The following UBE2H variants were observed in gnomAD, a reference collection of about 807,000 sequenced individuals.
UBE2H encodes ubiquitin conjugating enzyme E2 H.
Under a neutral mutation model 29.0 loss-of-function variants are expected in UBE2H, and 3 were observed. That is an observed-to-expected ratio of 0.10 (90% CI 0.05 to 0.27). The LOEUF (loss-of-function observed/expected upper bound fraction) is 0.27, where lower values mean the gene tolerates loss of function less well. UBE2H is among the 10% of genes least tolerant of loss of function. UBE2H has a pLI of 1.00. For missense variants in UBE2H, 68 were observed against 228.2 expected (o/e 0.30, Z 4.52); for synonymous variants, 69 against 82.9 (o/e 0.83, Z 0.91).
intron 5 of UBE2H, among the ~76,000 whole-genome samples, chr7:129,856,466 C>T (rs1185274506): frequency 1.3e-5 from 2 of 151,732 alleles, no homozygotes; most frequent in Non-Finnish European, 2.9e-5. Context: ...TCTAGTAGCA[C>T]AAAAAAATAG....
At chr7:129,875,414 T>C (rs1806127090) in intron 3 of UBE2H, among the ~76,000 whole-genome samples, 1 of 152,256 alleles carries the variant, frequency 6.6e-6, no homozygotes, top group Non-Finnish European at 1.5e-5. Flanking sequence ...AGGTTGCTTC[T>C]GACTTTTAAG....
At chr7:129,839,362 C>T in intron 5 of UBE2H, 27 bp from the exon 6 acceptor site, 4 of 1,610,518 alleles carry the variant, frequency 2.5e-6, no homozygotes, top group Non-Finnish European at 2.5e-6. Context: ...ACATGTCACA[C>T]ATGGGAAATG....
chr7:129,948,348 A>T (rs764393987), intron 1 of UBE2H, among the ~76,000 whole-genome samples: 6 of 152,160 alleles, frequency 3.9e-5, no homozygotes, highest in Non-Finnish European at 5.9e-5. Flanking sequence ...TTTGTTAGAG[A>T]AAGCTTCTGA....
chr7:129,875,092 G>A (rs1806120847), intron 3 of UBE2H, among the ~76,000 whole-genome samples: 1 of 151,904 alleles, frequency 6.6e-6, no homozygotes, highest in South Asian at 2.1e-4. Context: ...GATACAGACA[G>A]GACAGTCAAA....
At position 129,912,663 on chromosome 7, in the gene UBE2H, G is replaced by T. The variant is rs1212953601; in HGVS notation, c.54-31692C>A. 2.0e-5 allele frequency among the ~76,000 whole-genome samples: 3 copies of T among 152,278 alleles called. No individual in the cohort carries two copies. The East Asian group carries it at 5.8e-4, about 29-fold the overall frequency. ...GTTACGTAGGTGCTCAAAAAGTTTT[G>T]AATTTTGGAGCATTTTAGATTTTGG... On this transcript the variant is annotated intron_variant, in intron 1 of 6. Transcript: ENST00000355621.
Position 129,880,277 on chromosome 7 carries a change from C to T in UBE2H, c.130+618G>A, listed in dbSNP as rs141498979. Among the ~76,000 whole-genome samples, 711 of 152,258 alleles carry T rather than the reference C, an allele frequency of 4.7e-3. 6 individuals are homozygous for T. The highest frequency in any genetic ancestry group is 0.016 in the African/African-American group (681 of 41,558). On this transcript the variant is annotated intron_variant, in intron 2 of 6. Transcript: ENST00000355621. Reference sequence around the variant, plus strand: ...ATCCCAGCACTTTGGGAGGCTGAGGCGGGTGGATCACCTGAGGTCAGGAGT... The same window carrying T: ...ATCCCAGCACTTTGGGAGGCTGAGGTGGGTGGATCACCTGAGGTCAGGAGT...
intron 3 of UBE2H, among the ~76,000 whole-genome samples, chr7:129,864,086 A>T (rs1805851502): frequency 6.6e-6 from 1 of 152,174 alleles, no homozygotes; most frequent in Non-Finnish European, 1.5e-5. Flanking sequence ...GAGCCACTGC[A>T]CCTGGCCCTC....
intron 6 of UBE2H, among the ~76,000 whole-genome samples, chr7:129,837,934 C>T (rs1805360526): frequency 6.6e-6 from 1 of 152,154 alleles, no homozygotes; most frequent in South Asian, 2.1e-4. Flanking sequence ...CAGACATGTA[C>T]TGAAACAGGG....
At chr7:129,879,886 A>G (rs543073436) in intron 2 of UBE2H, among the ~76,000 whole-genome samples, 7 of 152,316 alleles carry the variant, frequency 4.6e-5, no homozygotes, top group South Asian at 4.1e-4. Flanking sequence ...CAAAAGTACT[A>G]AACACTATTC....
chr7:129,871,965 G>A (rs1315684653), intron 3 of UBE2H, among the ~76,000 whole-genome samples: 4 of 151,918 alleles, frequency 2.6e-5, no homozygotes, highest in East Asian at 1.9e-4. Context: ...TCCTTCCTCC[G>A]TCTCTCGAGT....
intron 1 of UBE2H, among the ~76,000 whole-genome samples, chr7:129,902,517 G>A (rs1197639179): frequency 1.3e-5 from 2 of 152,098 alleles, no homozygotes; most frequent in Admixed American, 1.3e-4. Flanking sequence ...CAAAAAACCT[G>A]TTGCACAAGT....
chr7:129,916,780 T>C (rs1056242057), intron 1 of UBE2H, among the ~76,000 whole-genome samples: 1 of 152,082 alleles, frequency 6.6e-6, no homozygotes, highest in African/African-American at 2.4e-5. Flanking sequence ...GGCTCACACC[T>C]GTAATTCCAG....
At chr7:129,839,898 C>T (rs555730705) in intron 5 of UBE2H, among the ~76,000 whole-genome samples, 2 of 152,118 alleles carry the variant, frequency 1.3e-5, no homozygotes, top group South Asian at 4.1e-4. Context: ...TTAGTAGAGA[C>T]GGGGTTTCAC....
intron 1 of UBE2H, 90 bp downstream of exon 1, chr7:129,952,413 C>T: frequency 6.5e-7 from 1 of 1,538,012 alleles, no homozygotes. Flanking sequence ...CCTGGAGTGC[C>T]CCAGGGCCCT....
rs992386814 is a variant in UBE2H, at chr7:129,952,366, G to A, written c.53+137C>T. The A allele has an allele frequency of 2.8e-6, 3 of 1,088,928 alleles. No homozygotes were observed. The East Asian group carries it at 8.5e-5, about 31-fold the overall frequency. The allele number at this position is 1,088,928 out of a possible 1,614,324, so 67.5% of individuals were successfully genotyped here. A position where few individuals can be genotyped will look rare whatever the true frequency, so the allele number is the denominator to read the frequency against. ...CCCTGGGAGGTGCCAAGGAGCCGCC[G>A]TAGGCACTGGGGGAGGAGGGGAGTC... On this transcript the variant is annotated intron_variant, in intron 1 of 6. Transcript: ENST00000355621.
intron 5 of UBE2H, among the ~76,000 whole-genome samples, chr7:129,845,077 C>T (rs1321821720): frequency 6.6e-6 from 1 of 152,180 alleles, no homozygotes; most frequent in Non-Finnish European, 1.5e-5. Flanking sequence ...TTGTAGTGAG[C>T]TGAGATTGTA....
At chr7:129,921,093 A>ATG (rs1382890240) in intron 1 of UBE2H, among the ~76,000 whole-genome samples, 1 of 151,908 alleles carries the variant, frequency 6.6e-6, no homozygotes. Flanking sequence ...CTTATGTGTT[A>ATG]GATACTGTGC....
intron 1 of UBE2H, among the ~76,000 whole-genome samples, chr7:129,900,709 C>T (rs1198828680): frequency 6.6e-6 from 1 of 151,056 alleles, no homozygotes; most frequent in Admixed American, 6.6e-5. Context: ...ATATTATTCA[C>T]TTCTGAGCCA....
At chr7:129,863,418 C>T (rs1805837843) in intron 3 of UBE2H, among the ~76,000 whole-genome samples, 1 of 152,152 alleles carries the variant, frequency 6.6e-6, no homozygotes, top group Non-Finnish European at 1.5e-5. Context: ...GTTTCTTTAC[C>T]TACGAAGACA....
Sources: gnomAD v4.1 joint callset for allele counts (sites outside exome capture counted in the v4.1 genomes callset) on GRCh38, gnomAD v4.1.1 for gene constraint, MANE v1.5 for transcripts, NCBI Gene and HGNC (gene_info 2026-07-23, HGNC 2026-07-21) for gene names.